Variants in LRP6 observed in about 807,000 individuals in gnomAD.
The protein encoded by LRP6 is LDL receptor related protein 6, also known as low-density lipoprotein receptor-related protein 6.
Under a neutral mutation model 184.1 loss-of-function variants are expected in LRP6, and 43 were observed. The ratio of observed to expected loss-of-function variants is 0.23; its 90% CI spans 0.18 to 0.30. The LOEUF is 0.30. LRP6 is among the 10% of genes least tolerant of loss of function. The pLI, the probability that LRP6 is intolerant of heterozygous loss-of-function variation, is 1.00. For missense variants in LRP6, 1,571 were observed against 2,005.3 expected (o/e 0.78, Z 4.14); for synonymous variants, 719 against 684.9 (o/e 1.05, Z -0.78).
Position 12,147,388 on chromosome 12 carries a change from T to C in LRP6, c.3375A>G (p.Arg1125=), listed in dbSNP as rs372931230. The C allele has an allele frequency of 1.2e-6, 2 of 1,614,112 alleles. No individual in the cohort carries two copies. Among genetic ancestry groups the C allele is most frequent in the Non-Finnish European group, 1.7e-6 (2 of 1,180,018 alleles). The change falls in exon 15 of 23, where the codon CGA becomes CGG. Residue 1125 remains arginine (R), a synonymous_variant. Transcript: ENST00000261349. ...TACCTGAGAGATCACTGCTTTCAAT[T>C]CGCCGGAGATCTGAATCAGCCCAAA... ...KLFWADSDLR[R]IESSDLSGAN...
chr12:12,155,219 A>C (rs1207239955), intron 12 of LRP6: 18 of 663,878 alleles, frequency 2.7e-5, no homozygotes, highest in Non-Finnish European at 3.9e-5. Flanking sequence ...AACAAACAAA[A>C]AGTCTTTCAG....
intron 19 of LRP6, among the ~76,000 whole-genome samples, chr12:12,127,244 TAAAC>T (rs1343707414): frequency 2.0e-5 from 3 of 152,094 alleles, no homozygotes; most frequent in Non-Finnish European, 2.9e-5. Context: ...TTTAAATAAA[TAAAC>T]AGATAAAATC....
intron 2 of LRP6, among the ~76,000 whole-genome samples, chr12:12,231,819 A>T (rs1221917053): frequency 5.3e-5 from 8 of 151,964 alleles, no homozygotes; most frequent in Admixed American, 5.2e-4. Context: ...ATTCAAGTCC[A>T]TCCTGAGCAA....
At chr12:12,259,818 C>T (rs1051262755) in intron 1 of LRP6, among the ~76,000 whole-genome samples, 5 of 152,152 alleles carry the variant, frequency 3.3e-5, no homozygotes, top group African/African-American at 1.2e-4. Context: ...TGAAGTGAGG[C>T]TTACTTTATA....
At chr12:12,250,533 A>G (rs1865300453) in intron 1 of LRP6, among the ~76,000 whole-genome samples, 1 of 151,960 alleles carries the variant, frequency 6.6e-6, no homozygotes, top group East Asian at 1.9e-4. Flanking sequence ...CAGCCCTTGG[A>G]AACAAGAACC....
chr12:12,219,406 T>C (rs566524962), intron 2 of LRP6, among the ~76,000 whole-genome samples: 3 of 152,232 alleles, frequency 2.0e-5, no homozygotes, highest in South Asian at 4.1e-4. Flanking sequence ...AGGTTTCCCA[T>C]GTTGGCCAGG....
At chr12:12,234,805 G>A (rs1169039241) in intron 2 of LRP6, among the ~76,000 whole-genome samples, 2 of 150,328 alleles carry the variant, frequency 1.3e-5, no homozygotes, top group East Asian at 2.0e-4. Flanking sequence ...CACTCTGGGC[G>A]ACAGAGAGAG....
chr12:12,176,179 C>T (rs1405981346), intron 7 of LRP6, among the ~76,000 whole-genome samples: 4 of 152,006 alleles, frequency 2.6e-5, no homozygotes, highest in East Asian at 3.8e-4. Context: ...ATGGGAAGGC[C>T]CCACAACAAT....
Position 12,181,090 on chromosome 12 carries a change from T to G in LRP6, c.1326A>C (p.Ser442=), listed in dbSNP as rs970553453. ...LNGTMRKILI[S]EDLEEPRAIV... ...TAGCCCGGGGTTCCTCTAAGTCCTC[T>G]GAAATCAAGATCTTCCTCATGGTCC... Residue 442 remains serine, a synonymous_variant, in exon 6 of 23, where the codon TCA becomes TCC. Transcript: ENST00000261349. 5.6e-6 allele frequency: 9 copies of G among 1,614,016 alleles called. No individual in the cohort carries two copies. The highest frequency in any genetic ancestry group is 7.6e-6 in the Non-Finnish European group (9 of 1,179,990).
intron 3 of LRP6, among the ~76,000 whole-genome samples, chr12:12,189,499 CTAATAT>C (rs750962914): frequency 3.9e-5 from 6 of 152,134 alleles, no homozygotes; most frequent in African/African-American, 1.4e-4. Context: ...AAATACTATA[CTAATAT>C]TAATTTTTTT....
At chr12:12,160,744 TA>T (rs1449659294) in intron 10 of LRP6, among the ~76,000 whole-genome samples, 1 of 152,246 alleles carries the variant, frequency 6.6e-6, no homozygotes, top group Non-Finnish European at 1.5e-5. Flanking sequence ...ACAACTTATC[TA>T]ATGTCTTCAA....
At chr12:12,195,748 C>A (rs1331254179) in intron 3 of LRP6, among the ~76,000 whole-genome samples, 2 of 151,966 alleles carry the variant, frequency 1.3e-5, no homozygotes, top group East Asian at 3.8e-4. Context: ...GAGATCTTAT[C>A]CATAAAATCC....
chr12:12,241,151 T>C (rs950268887), intron 2 of LRP6, among the ~76,000 whole-genome samples: 2 of 152,166 alleles, frequency 1.3e-5, no homozygotes, highest in African/African-American at 4.8e-5. Context: ...AGTCATTCAA[T>C]AGCTTTCCCT....
In LRP6 at chr12:12,122,570, C is replaced by T. The variant is rs577489037; in HGVS notation, c.4548-1150G>A. On this transcript the variant is annotated intron_variant, in intron 22 of 22. Transcript: ENST00000261349. ...GTCACAGATCAAATTCCTTGTTCTACTCTGTCTCCCCTTCTTACTACTGCA... is the reference window on the plus strand; with the variant it reads ...GTCACAGATCAAATTCCTTGTTCTATTCTGTCTCCCCTTCTTACTACTGCA... 3.9e-5 allele frequency among the ~76,000 whole-genome samples: 6 copies of T among 152,262 alleles called. No individual in the cohort carries two copies. The East Asian group carries it at 9.6e-4, about 24-fold the overall frequency.
intron 11 of LRP6, among the ~76,000 whole-genome samples, chr12:12,159,419 A>G (rs1862687332): frequency 6.6e-6 from 1 of 152,162 alleles, no homozygotes; most frequent in Non-Finnish European, 1.5e-5. Context: ...CAAATGGTCT[A>G]CTTTAAATGT....
chr12:12,260,624 T>C (rs1431614622), intron 1 of LRP6, among the ~76,000 whole-genome samples: 1 of 152,154 alleles, frequency 6.6e-6, no homozygotes, highest in African/African-American at 2.4e-5. Context: ...ATCTTAATAA[T>C]AGCAACCATT....
At chr12:12,204,976 GA>G (rs986535350) in intron 2 of LRP6, among the ~76,000 whole-genome samples, 14 of 148,258 alleles carry the variant, frequency 9.4e-5, no homozygotes, top group African/African-American at 2.7e-4. Context: ...AAGAAAAAAA[GA>G]AAAAAAAATA....
At chr12:12,159,212 T>A in intron 11 of LRP6, 57 bp from the exon 12 acceptor site, 4 of 1,310,980 alleles carry the variant, frequency 3.1e-6, no homozygotes, top group Non-Finnish European at 4.4e-6. Context: ...TATGTGAGAA[T>A]ACAAGTGTCT....
rs1214676497 is a variant in LRP6 at position 12,118,774 on chromosome 12, A to C, written c.*2352T>G. The C allele has an allele frequency of 6.6e-6, 1 of 152,258 alleles. No homozygotes were observed. Among genetic ancestry groups the C allele is most frequent in the Non-Finnish European group, 1.5e-5 (1 of 68,050 alleles). The allele number at this position is 152,258 out of a possible 1,614,324, so 9.4% of individuals were successfully genotyped here. A position where few individuals can be genotyped will look rare whatever the true frequency, so the allele number is the denominator to read the frequency against. ...TGAGATTAGGCTGAACTGCCTTCAAATAATTTTAAACAAATTGGCACACAA... is the reference window on the plus strand; with the variant it reads ...TGAGATTAGGCTGAACTGCCTTCAACTAATTTTAAACAAATTGGCACACAA... On this transcript the variant is annotated 3_prime_UTR_variant, in exon 23 of 23. Transcript: ENST00000261349.
Sources: allele counts gnomAD v4.1 joint callset (sites outside exome capture counted in the v4.1 genomes callset), GRCh38; gene constraint gnomAD v4.1.1; transcripts MANE v1.5; gene names NCBI Gene and HGNC (gene_info 2026-07-23, HGNC 2026-07-21).